Variants in VPS41 observed in about 807,000 individuals in gnomAD.
The protein encoded by VPS41 is vacuolar protein sorting-associated protein 41 homolog.
In VPS41, 85 loss-of-function variants were observed where a neutral mutation model predicts 130.9. The observed-to-expected ratio is 0.65, with a 90% CI of 0.55 to 0.78. The LOEUF (loss-of-function observed/expected upper bound fraction) is 0.78. Among genes scored for constraint, VPS41 ranks in the 30% least tolerant of loss-of-function variants. VPS41 has a pLI of 0.00. For synonymous variants in VPS41, 335 were observed against 332.9 expected (o/e 1.01, Z -0.07); for missense variants, 874 against 1,018.7 (o/e 0.86, Z 1.93).
chr7:38,897,628 G>A (rs967709575), intron 2 of VPS41, among the ~76,000 whole-genome samples: 5 of 129,064 alleles, frequency 3.9e-5, no homozygotes, highest in South Asian at 2.4e-4. Flanking sequence ...CTGGGCAACA[G>A]AGCGAGACTC....
chr7:38,796,945 C>T, intron 7 of VPS41, 81 bp from the exon 8 acceptor site: 1 of 1,530,172 alleles, frequency 6.5e-7, no homozygotes, highest in Non-Finnish European at 9.0e-7. Flanking sequence ...TTTTACCTAT[C>T]CTCGTGACCA....
intron 2 of VPS41, among the ~76,000 whole-genome samples, 168 bp downstream of exon 2, chr7:38,897,923 C>T (rs376513752): frequency 6.6e-6 from 1 of 152,084 alleles, no homozygotes; most frequent in Non-Finnish European, 1.5e-5. Flanking sequence ...TCCATTTAAT[C>T]TTTTTTAAGA....
At chr7:38,788,667 T>C (rs535276949) in intron 10 of VPS41, among the ~76,000 whole-genome samples, 2 of 152,346 alleles carry the variant, frequency 1.3e-5, no homozygotes, top group South Asian at 4.1e-4. Flanking sequence ...CTATATAGTC[T>C]AGTCATAAAT....
In VPS41 at chr7:38,767,615, G is replaced by A. The variant is rs763697716; in HGVS notation, c.1186-17C>T. 1.3e-6 allele frequency: 2 copies of A among 1,598,882 alleles called. No individual in the cohort carries two copies. The highest frequency in any genetic ancestry group is 1.7e-6 in the Non-Finnish European group (2 of 1,169,256). ...GCCAATATCCTAGAGAAAGCCAAAT[G>A]AAGAAATGTCAAAATTTAACTGAAA... On this transcript the variant is annotated splice_polypyrimidine_tract_variant and intron_variant, in intron 14 of 28. Transcript: ENST00000310301.
At chr7:38,875,345 C>T (rs1786470474) in intron 2 of VPS41, among the ~76,000 whole-genome samples, 2 of 151,756 alleles carry the variant, frequency 1.3e-5, no homozygotes, top group Admixed American at 6.6e-5. Flanking sequence ...AGAAAAGATC[C>T]AAGATGAGAA....
At chr7:38,745,735 G>T in intron 22 of VPS41, 122 bp from the exon 23 acceptor site, 1 of 779,878 alleles carries the variant, frequency 1.3e-6, no homozygotes, top group Non-Finnish European at 2.2e-6. Context: ...ATAAAACAAA[G>T]CAAACAAATA....
At chr7:38,845,197 G>A (rs1422563311) in intron 4 of VPS41, among the ~76,000 whole-genome samples, 1 of 152,168 alleles carries the variant, frequency 6.6e-6, no homozygotes, top group Non-Finnish European at 1.5e-5. Flanking sequence ...GCACCAGACA[G>A]TGACTATGTA....
chr7:38,901,318 C>A (rs180850886), intron 1 of VPS41, among the ~76,000 whole-genome samples: 2 of 152,108 alleles, frequency 1.3e-5, no homozygotes. Context: ...TAAAGGAATA[C>A]CTAACTAAGG....
chr7:38,815,438 A>G (rs964536691), intron 7 of VPS41, among the ~76,000 whole-genome samples: 2 of 152,236 alleles, frequency 1.3e-5, no homozygotes, highest in African/African-American at 4.8e-5. Flanking sequence ...AAGAAAAAAA[A>G]GAAAAATTAT....
chr7:38,886,558 A>ACT (rs1352305423), intron 2 of VPS41, among the ~76,000 whole-genome samples: 10 of 150,500 alleles, frequency 6.6e-5, no homozygotes, highest in Admixed American at 3.3e-4. Context: ...AGCAAGGCCT[A>ACT]CTGCCTTTCT....
intron 25 of VPS41, among the ~76,000 whole-genome samples, chr7:38,735,287 A>G (rs1407191955): frequency 1.3e-5 from 2 of 152,214 alleles, no homozygotes; most frequent in Non-Finnish European, 2.9e-5. Context: ...AGAGTCAAAA[A>G]GAAACCCACG....
intron 1 of VPS41, among the ~76,000 whole-genome samples, chr7:38,908,893 A>G (rs1025587225): frequency 6.6e-6 from 1 of 152,204 alleles, no homozygotes; most frequent in South Asian, 2.1e-4. Flanking sequence ...TTCCCTGGGC[A>G]AAGGCCACAG....
At chr7:38,789,028 T>G (rs1784488821) in intron 10 of VPS41, among the ~76,000 whole-genome samples, 1 of 152,168 alleles carries the variant, frequency 6.6e-6, no homozygotes, top group Admixed American at 6.5e-5. Context: ...TATGGCAATT[T>G]TTTTTCTCAG....
At chr7:38,775,539 T>C (rs1223543774) in intron 11 of VPS41, 4 of 152,014 alleles carry the variant, frequency 2.6e-5, no homozygotes, top group Non-Finnish European at 5.9e-5. Context: ...GCATTCTATT[T>C]ACTCCCCCAG....
chr7:38,741,220 A>G (rs918457286), intron 25 of VPS41: 2 of 235,652 alleles, frequency 8.5e-6, no homozygotes, highest in Non-Finnish European at 9.1e-6. Context: ...TTTCTAGGAA[A>G]GTAATTTCAT....
chr7:38,898,029 C>A, intron 2 of VPS41, 62 bp downstream of exon 2: 1 of 1,484,458 alleles, frequency 6.7e-7, no homozygotes, highest in Non-Finnish European at 9.4e-7. Context: ...AGCAAAGAAG[C>A]GCAACTCAAG....
At chr7:38,746,256 TAAA>T (rs11359151) in intron 22 of VPS41, among the ~76,000 whole-genome samples, 3 of 146,030 alleles carry the variant, frequency 2.1e-5, no homozygotes, top group Middle Eastern at 3.5e-3. Context: ...CCATTAGTCT[TAAA>T]AAAAAAAAAA....
At chr7:38,730,573 G>T (rs561931869) in intron 25 of VPS41, among the ~76,000 whole-genome samples, 145 of 150,998 alleles carry the variant, frequency 9.6e-4, no homozygotes, top group African/African-American at 3.5e-3. Flanking sequence ...AATTTTTTTT[G>T]GATTTTTAAA....
At chr7:38,841,225 C>T (rs1207651487) in intron 4 of VPS41, among the ~76,000 whole-genome samples, 1 of 152,190 alleles carries the variant, frequency 6.6e-6, no homozygotes, top group Non-Finnish European at 1.5e-5. Context: ...GCCTGGCTGG[C>T]CAGCCTCAGA....
Sources: gnomAD v4.1 joint callset for allele counts (sites outside exome capture counted in the v4.1 genomes callset) on GRCh38, gnomAD v4.1.1 for gene constraint, MANE v1.5 for transcripts, NCBI Gene and HGNC (gene_info 2026-07-23, HGNC 2026-07-21) for gene names.